SUGCT: variants seen among roughly 807,000 people sequenced by gnomAD.
The protein encoded by SUGCT is succinyl-CoA:glutarate CoA-transferase.
Under a neutral mutation model 55.0 loss-of-function variants are expected in SUGCT, and 41 were observed. The ratio of observed to expected loss-of-function variants is 0.74; its 90% CI spans 0.58 to 0.97. The LOEUF (loss-of-function observed/expected upper bound fraction) is 0.97, where lower values mean the gene tolerates loss of function less well. Ranked by LOEUF, SUGCT falls within the 50% of genes least tolerant of loss-of-function variation. SUGCT has a pLI of 0.00. For synonymous variants in SUGCT, 187 were observed against 200.4 expected (o/e 0.93, Z 0.56); for missense variants, 568 against 547.8 (o/e 1.04, Z -0.37).
intron 12 of SUGCT, among the ~76,000 whole-genome samples, chr7:40,604,831 G>A (rs546302648): frequency 5.9e-5 from 9 of 152,322 alleles, no homozygotes; most frequent in African/African-American, 2.2e-4. Context: ...AAACGGGTTT[G>A]CCTGAGAGCT....
chr7:40,944,757 A>G, the SUGCT span, among the ~76,000 whole-genome samples: 2 of 130,240 alleles, frequency 1.5e-5, no homozygotes, highest in Non-Finnish European at 3.2e-5. Flanking sequence ...GCGGGCTCTA[A>G]TGACTTTCTT....
At chr7:40,718,174 C>T (rs1447838709) in intron 12 of SUGCT, among the ~76,000 whole-genome samples, 1 of 152,158 alleles carries the variant, frequency 6.6e-6, no homozygotes, top group Non-Finnish European at 1.5e-5. Context: ...CTAGCATCTC[C>T]CATTTTATTG....
At chr7:40,942,470 A>G in the SUGCT span, among the ~76,000 whole-genome samples, 1 of 152,022 alleles carries the variant, frequency 6.6e-6, no homozygotes, top group African/African-American at 2.4e-5. Flanking sequence ...GTTACATGAT[A>G]CTTTTGTTTC....
intron 12 of SUGCT, among the ~76,000 whole-genome samples, chr7:40,565,075 G>T (rs1366357735): frequency 6.6e-6 from 1 of 152,202 alleles, no homozygotes; most frequent in African/African-American, 2.4e-5. Context: ...AAAATATGTT[G>T]TGGATGTGGG....
chr7:40,147,619 T>A (rs961842722), intron 1 of SUGCT, among the ~76,000 whole-genome samples: 1 of 152,234 alleles, frequency 6.6e-6, no homozygotes, highest in Non-Finnish European at 1.5e-5. Context: ...CACAGAGTTG[T>A]CACCACAGTA....
chr7:40,389,281 C>T (rs1785282884), intron 9 of SUGCT, among the ~76,000 whole-genome samples: 1 of 152,132 alleles, frequency 6.6e-6, no homozygotes, highest in South Asian at 2.1e-4. Flanking sequence ...GAAACCCCAT[C>T]TCTACAAGAA....
the SUGCT span, among the ~76,000 whole-genome samples, chr7:40,973,098 T>C: frequency 6.6e-6 from 1 of 152,126 alleles, no homozygotes; most frequent in Admixed American, 6.5e-5. Flanking sequence ...TGAAAATAGA[T>C]TGCTTGCCCC....
intron 5 of SUGCT, among the ~76,000 whole-genome samples, chr7:40,193,290 T>TTTG (rs1202122683): frequency 1.4e-5 from 2 of 140,788 alleles, no homozygotes; most frequent in Admixed American, 7.1e-5. Flanking sequence ...GTTTTTTTTT[T>TTTG]TTTTTTTTTT....
chr7:40,887,831 G>C, the SUGCT span, among the ~76,000 whole-genome samples: 1 of 152,276 alleles, frequency 6.6e-6, no homozygotes, highest in East Asian at 1.9e-4. Context: ...AGCCAGTAAA[G>C]ACACTGAAAA....
At chr7:40,666,431 T>G (rs1469798846) in intron 12 of SUGCT, among the ~76,000 whole-genome samples, 3 of 146,924 alleles carry the variant, frequency 2.0e-5, no homozygotes, top group Admixed American at 6.8e-5. Flanking sequence ...TTTTTTTTTT[T>G]TTTTTTTTTT....
At chr7:40,502,877 T>G (rs1254192555) in intron 12 of SUGCT, among the ~76,000 whole-genome samples, 2 of 152,172 alleles carry the variant, frequency 1.3e-5, no homozygotes, top group African/African-American at 4.8e-5. Context: ...AATATCATCA[T>G]AGTATTTGCT....
intron 7 of SUGCT, among the ~76,000 whole-genome samples, chr7:40,274,073 C>CTT (rs386409972): frequency 0.042 from 2,840 of 67,822 alleles, 365 homozygotes; most frequent in African/African-American, 0.063. Context: ...TTTTTACCTT[C>CTT]TTTTTTTTTT....
chr7:40,847,411 C>CTT (rs981613426), intron 13 of SUGCT, among the ~76,000 whole-genome samples: 372 of 75,318 alleles, frequency 4.9e-3, no homozygotes, highest in Non-Finnish European at 6.5e-3. Flanking sequence ...TTCTTTCTTT[C>CTT]TTTTTTTTTT....
At chr7:41,000,952 T>TA in the SUGCT span, among the ~76,000 whole-genome samples, 1 of 152,032 alleles carries the variant, frequency 6.6e-6, no homozygotes, top group African/African-American at 2.4e-5. Context: ...AAGAAAAAAT[T>TA]AAAAAACTGG....
the SUGCT span, among the ~76,000 whole-genome samples, chr7:40,987,594 G>A: frequency 6.6e-6 from 1 of 152,272 alleles, no homozygotes; most frequent in East Asian, 1.9e-4. Flanking sequence ...TTTGGAGGAA[G>A]GGATCAGAGA....
At chr7:40,461,969 T>C (rs990874202) in intron 11 of SUGCT, among the ~76,000 whole-genome samples, 4 of 152,212 alleles carry the variant, frequency 2.6e-5, no homozygotes, top group Non-Finnish European at 4.4e-5. Context: ...CTCCCTGAAG[T>C]GGCACATGAA....
At chr7:40,957,004 CT>C in the SUGCT span, among the ~76,000 whole-genome samples, 1 of 152,028 alleles carries the variant, frequency 6.6e-6, no homozygotes, top group Non-Finnish European at 1.5e-5. Flanking sequence ...GATTTCTGTT[CT>C]TTTGCATTTG....
At chr7:41,005,845 G>A in the SUGCT span, among the ~76,000 whole-genome samples, 1 of 152,148 alleles carries the variant, frequency 6.6e-6, no homozygotes, top group African/African-American at 2.4e-5. Flanking sequence ...CATCCTTGGT[G>A]ACTAGCCCTC....
At chr7:40,830,401 C>G (rs1470760873) in intron 13 of SUGCT, among the ~76,000 whole-genome samples, 1 of 152,180 alleles carries the variant, frequency 6.6e-6, no homozygotes. Context: ...GCTCCCTGCA[C>G]TAGTCATGAA....
Sources: gnomAD v4.1 joint callset for allele counts (sites outside exome capture counted in the v4.1 genomes callset) on GRCh38, gnomAD v4.1.1 for gene constraint, MANE v1.5 for transcripts, NCBI Gene and HGNC (gene_info 2026-07-23, HGNC 2026-07-21) for gene names.